SFI1: variants seen among roughly 807,000 people sequenced by gnomAD.
The protein encoded by SFI1 is protein SFI1 homolog.
Under a neutral mutation model 207.5 loss-of-function variants are expected in SFI1, and 195 were observed. The ratio of observed to expected loss-of-function variants is 0.94; its 90% CI spans 0.84 to 1.06. SFI1 has a LOEUF of 1.06. Ranked by LOEUF, SFI1 falls within the 50% of genes least tolerant of loss-of-function variation. SFI1 has a pLI of 0.00. For missense variants in SFI1, 1,634 were observed against 1,588.0 expected (o/e 1.03, Z -0.49); for synonymous variants, 630 against 598.9 (o/e 1.05, Z -0.76).
intron 6 of SFI1, 69 bp downstream of exon 6, chr22:31,550,417 A>G: frequency 2.5e-6 from 3 of 1,192,192 alleles, no homozygotes; most frequent in Non-Finnish European, 3.7e-6. Context: ...TAGGAAGGAC[A>G]AACACATTGT....
intron 15 of SFI1, among the ~76,000 whole-genome samples, chr22:31,590,618 C>T (rs1005139390): frequency 6.7e-6 from 1 of 149,438 alleles, no homozygotes; most frequent in Non-Finnish European, 1.5e-5. Flanking sequence ...GATTCTCCTG[C>T]CTCAGCCTCC....
chr22:31,524,763 T>C (rs1322000358), intron 2 of SFI1, among the ~76,000 whole-genome samples: 1 of 151,554 alleles, frequency 6.6e-6, no homozygotes, highest in African/African-American at 2.4e-5. Flanking sequence ...ATTAATCCTC[T>C]GTCAGATAGT....
intron 29 of SFI1, chr22:31,616,447 T>A: frequency 3.0e-6 from 1 of 336,324 alleles, no homozygotes; most frequent in East Asian, 5.3e-5. Context: ...GGGTGGAGGG[T>A]TGGGTAAGGC....
At chr22:31,578,318 G>C in intron 10 of SFI1, 64 bp from the exon 11 acceptor site, 1 of 1,491,064 alleles carries the variant, frequency 6.7e-7, no homozygotes, top group South Asian at 1.3e-5. Flanking sequence ...AAGGTGGCTT[G>C]CTGAGAATGC....
chr22:31,575,090 GTGTGT>G, intron 9 of SFI1, 136 bp from the exon 10 acceptor site: 2 of 88,260 alleles, frequency 2.3e-5, no homozygotes, highest in Non-Finnish European at 3.5e-5. Context: ...TAGTGCGTGT[GTGTGT>G]GTGTGTGTGT....
chr22:31,614,819 G>A lies in SFI1; in HGVS notation c.3027G>A (p.Pro1009=), dbSNP rs781420396. The change falls in exon 28 of 33, where the codon CCG becomes CCA. Residue 1009 remains proline (P), a synonymous_variant. Transcript: ENST00000400288. ...CTGCCCACTCAGCGAGGAAGCAGCC[G>A]CGACGCCCACACTTCCTGTTGGAGC... ...LNTAHSARKQ[P]RRPHFLLEPA... is the part of the protein sequence containing the mutation. 6.8e-6 allele frequency: 11 copies of A among 1,613,784 alleles called. No homozygotes were observed. Among genetic ancestry groups the A allele is most frequent in the East Asian group, 4.5e-5 (2 of 44,886 alleles).
At chr22:31,547,106 C>T in intron 5 of SFI1, 135 bp downstream of exon 5, 1 of 614,084 alleles carries the variant, frequency 1.6e-6, no homozygotes, top group Non-Finnish European at 2.8e-6. Flanking sequence ...TTGGAGTTAG[C>T]AAGATCAGAG....
At chr22:31,530,489 CAAA>C (rs3069094) in intron 3 of SFI1, 884 of 113,458 alleles carry the variant, frequency 7.8e-3, no homozygotes, top group East Asian at 0.015. Context: ...AACTCTGTCT[CAAA>C]AAAAAAAAAA....
At chr22:31,615,361 C>G in intron 29 of SFI1, 82 bp downstream of exon 29, 1 of 1,286,432 alleles carries the variant, frequency 7.8e-7, no homozygotes, top group Non-Finnish European at 1.0e-6. Flanking sequence ...CACAGCTGTA[C>G]TAGTTTCTGG....
At position 31,610,401 on chromosome 22, in the gene SFI1, G is replaced by C. The variant is rs528955233; in HGVS notation, c.2255-742G>C. 2.0e-5 allele frequency among the ~76,000 whole-genome samples: 3 copies of C among 152,298 alleles called. No individual in the cohort carries two copies. The South Asian group carries it at 6.2e-4, about 32-fold the overall frequency. The stretch of plus-strand genomic sequence containing the variant: ...AGATACACACTTAGGACAGAGCCCA[G>C]GCATCAGCATGCAGCACTAATGTGG... On this transcript the variant is annotated intron_variant, in intron 22 of 32. Transcript: ENST00000400288.
chr22:31,541,185 G>A (rs2059448859), intron 4 of SFI1, among the ~76,000 whole-genome samples: 1 of 152,074 alleles, frequency 6.6e-6, no homozygotes, highest in East Asian at 1.9e-4. Flanking sequence ...TGGGGCCTGT[G>A]CCACCAGCTG....
chr22:31,524,781 TA>T (rs1414124259), intron 2 of SFI1, among the ~76,000 whole-genome samples: 1 of 151,258 alleles, frequency 6.6e-6, no homozygotes, highest in Admixed American at 6.7e-5. Context: ...AGTTTGCACA[TA>T]TTTTTTATAA....
rs1169871526 is a variant in SFI1 at position 31,613,484 on chromosome 22, G to C, written c.2696G>C (p.Ser899Thr). ...ACGCGGCTCCTGCGCTTTGCAGCCA[G>C]CATGAAGGCCTCCCGGCAGCAGCTG... ...GATRLLRFAA[S>T]MKASRQQLQA... is the part of the protein sequence containing the mutation. The change falls in exon 26 of 33, where the codon AGC (serine) becomes ACC (threonine). Residue 899 changes from serine to threonine, a missense_variant. Coordinates refer to ENST00000400288, the MANE Select transcript of SFI1 (RefSeq NM_001007467.3). 1 of 1,598,400 alleles carries C rather than the reference G, an allele frequency of 6.3e-7. No homozygotes were observed. The highest frequency in any genetic ancestry group is 8.5e-7 in the Non-Finnish European group (1 of 1,176,404).
chr22:31,509,704 A>G (rs932979497), intron 2 of SFI1, among the ~76,000 whole-genome samples: 1 of 152,212 alleles, frequency 6.6e-6, no homozygotes, highest in African/African-American at 2.4e-5. Flanking sequence ...GACACTTAAC[A>G]TTAACCATCA....
chr22:31,519,684 C>T (rs1284431589), intron 2 of SFI1, among the ~76,000 whole-genome samples: 2 of 152,016 alleles, frequency 1.3e-5, no homozygotes, highest in Non-Finnish European at 2.9e-5. Context: ...GTGATCCACC[C>T]GCCTTGGCTT....
Position 31,613,421 on chromosome 22 carries a change from T to G in SFI1, c.2633T>G (p.Leu878Arg). The G allele has an allele frequency of 1.2e-6, 2 of 1,610,262 alleles. No individual in the cohort carries two copies. Among genetic ancestry groups the G allele is most frequent in the Non-Finnish European group, 1.7e-6 (2 of 1,179,794 alleles). Residue 878 changes from leucine (L) to arginine (R), a missense_variant, in exon 26 of 33, where the codon CTC (leucine) becomes CGC (arginine). Leu to Arg is a moderately radical substitution (Grantham distance 102). Coordinates refer to ENST00000400288, the MANE Select transcript of SFI1 (RefSeq NM_001007467.3). ...AAGAAGGCGCGGCTGCAGTGGGCGC[T>G]CCAGGCCTACCAGGGGCAGCTCCTC... ...RRKKARLQWA[L>R]QAYQGQLLQE...
chr22:31,519,737 C>T (rs1429769354), intron 2 of SFI1, among the ~76,000 whole-genome samples: 1 of 151,862 alleles, frequency 6.6e-6, no homozygotes, highest in Non-Finnish European at 1.5e-5. Context: ...TGCACCCGGC[C>T]TAATTTTTTA....
At chr22:31,588,344 GT>G (rs1263953515) in intron 14 of SFI1, among the ~76,000 whole-genome samples, 2 of 152,184 alleles carry the variant, frequency 1.3e-5, no homozygotes, top group African/African-American at 4.8e-5. Context: ...GAGTGTTCCA[GT>G]GAACAAGTCA....
chr22:31,545,055 A>G (rs1306420664), intron 4 of SFI1, among the ~76,000 whole-genome samples: 2 of 152,080 alleles, frequency 1.3e-5, no homozygotes, highest in Non-Finnish European at 2.9e-5. Context: ...GCGTGCCTCC[A>G]TACTTGGCTA....
Sources: allele counts gnomAD v4.1 joint callset (sites outside exome capture counted in the v4.1 genomes callset), GRCh38; gene constraint gnomAD v4.1.1; transcripts MANE v1.5; gene names NCBI Gene and HGNC (gene_info 2026-07-23, HGNC 2026-07-21).